The following AIM2 variants were observed in gnomAD, a reference collection of about 807,000 sequenced individuals.
AIM2 encodes interferon-inducible protein AIM2.
Under a neutral mutation model 27.7 loss-of-function variants are expected in AIM2, and 30 were observed. That is an observed-to-expected ratio of 1.08 (90% CI 0.81 to 1.47). The LOEUF (loss-of-function observed/expected upper bound fraction) is 1.47. Among genes scored for constraint, AIM2 ranks in the 40% most tolerant of loss-of-function variants. AIM2 has a pLI of 0.00. For synonymous variants in AIM2, 141 were observed against 145.3 expected, an observed-to-expected ratio of 0.97 and a Z score of 0.21; for missense variants, 358 against 411.3, an observed-to-expected ratio of 0.87 and a Z score of 1.12.
downstream of AIM2, among the ~76,000 whole-genome samples, chr1:159,057,794 T>C (rs1404992558): frequency 6.6e-6 from 1 of 152,162 alleles, no homozygotes. Flanking sequence ...CAAAAAAACA[T>C]AAATCATGAT....
At chr1:159,139,934 A>C (rs1648079098) in intron 1 of AIM2, among the ~76,000 whole-genome samples, 1 of 152,172 alleles carries the variant, frequency 6.6e-6, no homozygotes, top group South Asian at 2.1e-4. Context: ...TCTCATGGTT[A>C]AGCACCTCCA....
chr1:159,083,880 C>T (rs982612563), intron 1 of AIM2, among the ~76,000 whole-genome samples: 1 of 152,150 alleles, frequency 6.6e-6, no homozygotes, highest in Admixed American at 6.5e-5. Context: ...AATTCTAGGC[C>T]AATGGAATTG....
At chr1:159,117,929 A>G (rs1647421731) in intron 1 of AIM2, among the ~76,000 whole-genome samples, 1 of 152,200 alleles carries the variant, frequency 6.6e-6, no homozygotes, top group Admixed American at 6.5e-5. Context: ...GCAAAATTGT[A>G]TGTATGTTTG....
intron 1 of AIM2, among the ~76,000 whole-genome samples, chr1:159,135,689 T>C (rs886408289): frequency 2.0e-5 from 3 of 152,218 alleles, no homozygotes; most frequent in Admixed American, 6.5e-5. Flanking sequence ...ATATTTTGGA[T>C]GGTACCATTT....
At chr1:159,105,747 T>G (rs1429157001) in intron 1 of AIM2, among the ~76,000 whole-genome samples, 2 of 152,160 alleles carry the variant, frequency 1.3e-5, no homozygotes, top group Non-Finnish European at 2.9e-5. Context: ...GATGTCTATG[T>G]GAGTCTAGCT....
At chr1:159,126,747 A>G (rs1293660242) in intron 1 of AIM2, among the ~76,000 whole-genome samples, 1 of 152,156 alleles carries the variant, frequency 6.6e-6, no homozygotes, top group East Asian at 1.9e-4. Context: ...TCAGCAATCC[A>G]ATTCCCAAGT....
At chr1:159,100,456 G>A (rs1657288144) in intron 1 of AIM2, among the ~76,000 whole-genome samples, 1 of 152,184 alleles carries the variant, frequency 6.6e-6, no homozygotes, top group Non-Finnish European at 1.5e-5. Flanking sequence ...AGGAAAGAAA[G>A]AGTGCATGAA....
chr1:159,106,165 A>C (rs886888788), intron 1 of AIM2, among the ~76,000 whole-genome samples: 46 of 152,272 alleles, frequency 3.0e-4, no homozygotes, highest in African/African-American at 1.1e-3. Flanking sequence ...CCCCAAGAGC[A>C]CAGCAACGCT....
intron 1 of AIM2, among the ~76,000 whole-genome samples, chr1:159,094,830 T>C (rs1303058920): frequency 2.0e-5 from 3 of 152,206 alleles, no homozygotes; most frequent in African/African-American, 4.8e-5. Flanking sequence ...CTTTCCAAAA[T>C]TGAGAATGTC....
intron 1 of AIM2, among the ~76,000 whole-genome samples, chr1:159,116,642 G>A (rs12063973): frequency 0.059 from 8,903 of 151,856 alleles, 836 homozygotes; most frequent in African/African-American, 0.2. Flanking sequence ...ATGAGAACAC[G>A]TGGACACAGG....
chr1:159,062,843 C>A, intron 5 of AIM2, 125 bp from the exon 6 acceptor site: 2 of 888,546 alleles, frequency 2.3e-6, no homozygotes, highest in Non-Finnish European at 3.6e-6. Context: ...TTGTTCCCAC[C>A]CTTCTAATAC....
At chr1:159,067,275 A>T (rs1028267464) in intron 3 of AIM2, among the ~76,000 whole-genome samples, 4 of 152,236 alleles carry the variant, frequency 2.6e-5, no homozygotes, top group African/African-American at 7.2e-5. Context: ...AGATAATTTT[A>T]TTCTCTTCTC....
At chr1:159,145,875 A>C (rs1648192255) in intron 1 of AIM2, among the ~76,000 whole-genome samples, 1 of 152,206 alleles carries the variant, frequency 6.6e-6, no homozygotes, top group African/African-American at 2.4e-5. Flanking sequence ...TGGGAGGCCA[A>C]GACAGGCAGA....
At chr1:159,085,791 G>C (rs1265838530) in intron 1 of AIM2, among the ~76,000 whole-genome samples, 2 of 152,182 alleles carry the variant, frequency 1.3e-5, no homozygotes, top group Non-Finnish European at 2.9e-5. Flanking sequence ...CAGAGCAGTA[G>C]AGAAAAGAAG....
chr1:159,128,672 C>G (rs1417851303), intron 1 of AIM2, among the ~76,000 whole-genome samples: 1 of 152,090 alleles, frequency 6.6e-6, no homozygotes, highest in African/African-American at 2.4e-5. Flanking sequence ...TACTTTAACT[C>G]TCAGCTTCCT....
rs1192741471 is a variant in AIM2 at position 159,128,904 on chromosome 1, T to C, written c.-16+11527A>G. 3.3e-5 allele frequency among the ~76,000 whole-genome samples: 5 copies of C among 152,218 alleles called. No individual in the cohort carries two copies. The South Asian group carries it at 6.2e-4, about 19-fold the overall frequency. On this transcript the variant is annotated intron_variant, in intron 1 of 2. Coordinates refer to the AIM2 transcript ENST00000368129. ...CATTCTCAGCAAATAACCCACATTG[T>C]TACCTCACAGAAATTATCAAGTCCA...
intron 1 of AIM2, among the ~76,000 whole-genome samples, chr1:159,096,704 T>C (rs1302932177): frequency 6.6e-6 from 1 of 152,116 alleles, no homozygotes; most frequent in East Asian, 1.9e-4. Context: ...CATGGCTCAG[T>C]AGACTCAGAG....
upstream of AIM2, among the ~76,000 whole-genome samples, chr1:159,140,668 G>A (rs2102058978): frequency 6.6e-6 from 1 of 152,276 alleles, no homozygotes; most frequent in East Asian, 1.9e-4. Flanking sequence ...TAAGCTAGAG[G>A]TAGCAATATG....
chr1:159,069,039 G>A (rs973263865), intron 2 of AIM2, among the ~76,000 whole-genome samples: 1 of 151,916 alleles, frequency 6.6e-6, no homozygotes, highest in Non-Finnish European at 1.5e-5. Flanking sequence ...CTACTTGGGA[G>A]GCTGAGGCAA....
Sources: gnomAD v4.1 joint callset for allele counts (sites outside exome capture counted in the v4.1 genomes callset) on GRCh38, gnomAD v4.1.1 for gene constraint, MANE v1.5 for transcripts, NCBI Gene and HGNC (gene_info 2026-07-23, HGNC 2026-07-21) for gene names.